CNKSR2: variants seen among roughly 807,000 people sequenced by gnomAD.
CNKSR2 encodes the protein CNK homolog protein 2.
CNKSR2 carries 14 observed loss-of-function variants against 84.4 expected under a neutral mutation model. The observed-to-expected ratio is 0.17, with a 90% CI of 0.11 to 0.26. The LOEUF is 0.26. Among genes scored for constraint, CNKSR2 ranks in the 10% least tolerant of loss-of-function variants. The pLI is 1.00. For missense variants in CNKSR2, 485 were observed against 771.2 expected (o/e 0.63, Z 4.40); for synonymous variants, 275 against 277.9 (o/e 0.99, Z 0.10).
intron 5 of CNKSR2, among the ~76,000 whole-genome samples, chrX:21,473,081 A>C (rs1313110935): frequency 8.9e-6 from 1 of 111,800 alleles, no homozygotes; most frequent in Non-Finnish European, 1.9e-5. Context: ...ATTCTGGGCT[A>C]CTTGCTATTA....
intron 20 of CNKSR2, among the ~76,000 whole-genome samples, chrX:21,621,235 A>G (rs765005384): frequency 9.0e-6 from 1 of 111,620 alleles, no homozygotes; most frequent in African/African-American, 3.2e-5. Flanking sequence ...TCTAGACACT[A>G]TACTTTTGTT....
chrX:21,400,243 G>A (rs748124951), intron 1 of CNKSR2, among the ~76,000 whole-genome samples: 82 of 109,836 alleles, frequency 7.5e-4, no homozygotes, highest in African/African-American at 2.5e-3. Context: ...AAAGATTACC[G>A]AGAAAATGTA....
chrX:21,412,843 A>G (rs781158974), intron 1 of CNKSR2, among the ~76,000 whole-genome samples: 2 of 111,919 alleles, frequency 1.8e-5, no homozygotes, highest in Non-Finnish European at 3.8e-5. Flanking sequence ...TTCTTATTAT[A>G]GTAAAATATA....
intron 11 of CNKSR2, among the ~76,000 whole-genome samples, chrX:21,543,764 G>A (rs774095810): frequency 1.5e-4 from 17 of 111,777 alleles, no homozygotes; most frequent in Non-Finnish European, 2.6e-4. Context: ...TTTTTTATGA[G>A]GATTAAATTA....
chrX:21,503,868 C>A (rs1325292819), intron 8 of CNKSR2: 1 of 111,065 alleles, frequency 9.0e-6, no homozygotes, highest in Non-Finnish European at 1.9e-5. Context: ...ACATTAGGAG[C>A]TCAATAACAA....
intron 15 of CNKSR2, chrX:21,592,014 T>C (rs986123444): frequency 1.8e-5 from 2 of 111,834 alleles, no homozygotes; most frequent in African/African-American, 6.5e-5. Flanking sequence ...TGTTAAGACA[T>C]TCATCAATTT....
chrX:21,431,812 A>T (rs192842330), intron 2 of CNKSR2, among the ~76,000 whole-genome samples: 1 of 111,831 alleles, frequency 8.9e-6, no homozygotes, highest in African/African-American at 3.2e-5. Context: ...CGTTTCTGCT[A>T]TAAAGTATAA....
At chrX:21,602,808 A>G (rs2092491378) in intron 18 of CNKSR2, among the ~76,000 whole-genome samples, 1 of 112,396 alleles carries the variant, frequency 8.9e-6, no homozygotes, top group Admixed American at 9.4e-5. Flanking sequence ...TAAAAGGAAT[A>G]AAACAGTTCT....
intron 11 of CNKSR2, chrX:21,537,916 T>C (rs1187416382): frequency 9.0e-6 from 1 of 110,923 alleles, no homozygotes; most frequent in Admixed American, 9.6e-5. Context: ...ATTGTTTTGC[T>C]TATTCTTTGT....
chrX:21,591,969 A>G (rs973487728), intron 15 of CNKSR2: 2 of 111,917 alleles, frequency 1.8e-5, no homozygotes, highest in African/African-American at 6.5e-5. Flanking sequence ...ACATGGCTTA[A>G]TGTAGTGTGC....
chrX:21,483,749 C>A (rs1305269533), intron 5 of CNKSR2, among the ~76,000 whole-genome samples: 1 of 109,412 alleles, frequency 9.1e-6, no homozygotes, highest in African/African-American at 3.3e-5. Context: ...TGTTAGGGAA[C>A]CATCATAAGA....
At chrX:21,622,589 A>G (rs1160713003) in intron 20 of CNKSR2, among the ~76,000 whole-genome samples, 1 of 111,941 alleles carries the variant, frequency 8.9e-6, no homozygotes, top group African/African-American at 3.2e-5. Flanking sequence ...CCTCACCACT[A>G]GAAGAAAAAA....
At chrX:21,469,627 A>G (rs1156267939) in intron 4 of CNKSR2, among the ~76,000 whole-genome samples, 1 of 111,137 alleles carries the variant, frequency 9.0e-6, no homozygotes, top group Non-Finnish European at 1.9e-5. Flanking sequence ...TAAAATAGCA[A>G]TGGCCAGGCG....
chrX:21,463,866 A>C (rs1461931656), intron 4 of CNKSR2, among the ~76,000 whole-genome samples: 1 of 111,268 alleles, frequency 9.0e-6, no homozygotes, highest in African/African-American at 3.3e-5. Context: ...CCTCTCCCCA[A>C]GTGAAAGGAA....
intron 4 of CNKSR2, among the ~76,000 whole-genome samples, chrX:21,455,777 A>G (rs1227972959): frequency 8.9e-6 from 1 of 111,968 alleles, no homozygotes; most frequent in Non-Finnish European, 1.9e-5. Context: ...GCCTCATTTC[A>G]CTTCTTCTTG....
chrX:21,509,845 A>G (rs2091653008), intron 8 of CNKSR2, among the ~76,000 whole-genome samples: 1 of 112,192 alleles, frequency 8.9e-6, no homozygotes, highest in African/African-American at 3.2e-5. Context: ...TGAAATGTTT[A>G]TAACAGTATG....
chrX:21,560,925 A>G lies in CNKSR2; in HGVS notation c.1304-546A>G, dbSNP rs773072346. On this transcript the variant is annotated intron_variant, in intron 11 of 21. Coordinates refer to ENST00000379510, the MANE Select transcript of CNKSR2 (RefSeq NM_014927.5). Reference sequence around the variant, plus strand: ...TTAGAAGCAGACTCAGCTGTAGGACATGAAAGAGAATCTAACCATATTTTT... The same window carrying G: ...TTAGAAGCAGACTCAGCTGTAGGACGTGAAAGAGAATCTAACCATATTTTT... Among the ~76,000 whole-genome samples, 3 of 111,230 alleles carry G rather than the reference A, an allele frequency of 2.7e-5. No individual in the cohort carries two copies. The South Asian group carries it at 1.1e-3, about 42-fold the overall frequency.
In CNKSR2 at chrX:21,469,311, A is replaced by G. The variant is rs1334750986; in HGVS notation, c.520-1455A>G. ...CTCTCCTTTGGCATATGAGTCCCTC[A>G]GAAAGACAAGACCCAATTCTTAAGT... On this transcript the variant is annotated intron_variant, in intron 4 of 21. Coordinates refer to ENST00000379510, the MANE Select transcript of CNKSR2 (RefSeq NM_014927.5). Among the ~76,000 whole-genome samples the G allele has an allele frequency of 1.8e-5, 2 of 112,086 alleles. 1 individual carries two copies. The highest frequency in any genetic ancestry group is 5.6e-4 in the East Asian group (2 of 3,577).
At chrX:21,475,777 A>C (rs2091254361) in intron 5 of CNKSR2, among the ~76,000 whole-genome samples, 1 of 111,889 alleles carries the variant, frequency 8.9e-6, no homozygotes, top group Non-Finnish European at 1.9e-5. Flanking sequence ...TCCACAAGGC[A>C]ATACAGGTTG....
Sources: allele counts gnomAD v4.1 joint callset (sites outside exome capture counted in the v4.1 genomes callset), GRCh38; gene constraint gnomAD v4.1.1; transcripts MANE v1.5; gene names NCBI Gene and HGNC (gene_info 2026-07-23, HGNC 2026-07-21).